UGT2B15: variants seen among roughly 807,000 people sequenced by gnomAD.
UGT2B15 encodes the protein UDP-glucuronosyltransferase 2B15.
In UGT2B15, 36 loss-of-function variants were observed where a neutral mutation model predicts 45.9. The observed-to-expected ratio is 0.78, with a 90% CI of 0.60 to 1.04. The LOEUF (loss-of-function observed/expected upper bound fraction) is 1.04, where lower values mean the gene tolerates loss of function less well. UGT2B15 is among the 50% of genes least tolerant of loss of function. UGT2B15 has a pLI of 0.00. For missense variants in UGT2B15, 617 were observed against 622.4 expected, an observed-to-expected ratio of 0.99 and a Z score of 0.09; for synonymous variants, 219 against 216.4, an observed-to-expected ratio of 1.01 and a Z score of -0.11.
In UGT2B15 at chr4:68,668,083, A is replaced by T. The variant is rs1393340432; in HGVS notation, c.830T>A (p.Phe277Tyr). The change falls in exon 2 of 6, where the codon TTT becomes TAT. Residue 277 changes from phenylalanine (F) to tyrosine (Y), a missense_variant. By Grantham distance (22) the Phe-to-Tyr change is conservative (BLOSUM62 3). This residue lies in a region of UGT2B15 where 351 missense variants were observed against 342.1 expected (regional missense o/e 1.03). Coordinates refer to ENST00000338206, the MANE Select transcript of UGT2B15 (RefSeq NM_001076.4). The stretch of plus-strand genomic sequence containing the variant: ...TGGTTTACAGTGAAGTCCTCCAACA[A>T]AATCAACATTTGGTAAGAATGGGCG... ...FPRPFLPNVD[F>Y]VGGLHCKPAK... 3 of 1,613,890 alleles carry T rather than the reference A, an allele frequency of 1.9e-6. No individual in the cohort carries two copies. The East Asian group carries it at 6.7e-5, about 36-fold the overall frequency.
intron 2 of UGT2B15, among the ~76,000 whole-genome samples, chr4:68,664,898 CT>C (rs977456838): frequency 1.3e-5 from 2 of 152,044 alleles, no homozygotes; most frequent in African/African-American, 4.8e-5. Context: ...CAGTGTATGG[CT>C]ATTAGAGATA....
chr4:68,664,929 A>T (rs2109833591), intron 2 of UGT2B15, among the ~76,000 whole-genome samples: 1 of 152,208 alleles, frequency 6.6e-6, no homozygotes. Flanking sequence ...GCATCCAGGA[A>T]CTCAGTGTAA....
At chr4:68,650,090 T>A (rs1409320775) in intron 5 of UGT2B15, among the ~76,000 whole-genome samples, 1 of 152,070 alleles carries the variant, frequency 6.6e-6, no homozygotes, top group Non-Finnish European at 1.5e-5. Flanking sequence ...CTCCTCAGCC[T>A]CCCAAAGTGC....
At chr4:68,658,409 A>G in intron 3 of UGT2B15, among the ~76,000 whole-genome samples, 1 of 152,252 alleles carries the variant, frequency 6.6e-6, no homozygotes, top group East Asian at 1.9e-4. Flanking sequence ...GTATGATAAT[A>G]TTAGAAATGT....
chr4:68,647,442 A>G, intron 5 of UGT2B15, 59 bp from the exon 6 acceptor site: 1 of 1,518,460 alleles, frequency 6.6e-7, no homozygotes, highest in South Asian at 1.3e-5. Flanking sequence ...TAAGCATATC[A>G]AGTCTATGGA....
At chr4:68,661,937 T>C (rs1345645915) in intron 3 of UGT2B15, among the ~76,000 whole-genome samples, 1 of 152,074 alleles carries the variant, frequency 6.6e-6, no homozygotes, top group Non-Finnish European at 1.5e-5. Context: ...ACAGCCTTGA[T>C]ATATGGTCAG....
chr4:68,669,724 T>G (rs757300732), intron 1 of UGT2B15, among the ~76,000 whole-genome samples, 171 bp downstream of exon 1: 2 of 152,186 alleles, frequency 1.3e-5, no homozygotes, highest in Non-Finnish European at 2.9e-5. Flanking sequence ...TCTAACTGAT[T>G]CTATAAGGTC....
At position 68,655,082 on chromosome 4, in the gene UGT2B15, T is replaced by C. The variant is rs1172541798; in HGVS notation, c.1093+13A>G. On this transcript the variant is annotated intron_variant, in intron 4 of 5. Coordinates refer to ENST00000338206, the MANE Select transcript of UGT2B15 (RefSeq NM_001076.4). ...TTACTAATATATTCACTGTTTGTTC[T>C]CCAGAATCTTACCAAGAAGGTCATT... 3 of 1,611,520 alleles carry C rather than the reference T, an allele frequency of 1.9e-6. No individual in the cohort carries two copies. In the East Asian group the frequency reaches 6.7e-5, roughly 36 times the overall value.
intron 2 of UGT2B15, among the ~76,000 whole-genome samples, chr4:68,665,990 T>C (rs992872229): frequency 2.0e-5 from 3 of 152,062 alleles, no homozygotes; most frequent in Non-Finnish European, 2.9e-5. Context: ...GGGTGGAGGT[T>C]TCAGTGAGCC....
chr4:68,655,018 GTTTGT>G (rs1489347818), intron 4 of UGT2B15, 72 bp downstream of exon 4: 5 of 1,482,706 alleles, frequency 3.4e-6, no homozygotes, highest in African/African-American at 1.4e-5. Context: ...TGCTAAATAT[GTTTGT>G]TTTATGTTGA....
Position 68,670,456 on chromosome 4 carries a change from C to A in UGT2B15, c.163G>T (p.Val55Leu), listed in dbSNP as rs1733278213. ...AGAGTAGAAGCCGAAGATGTCAACA[C>A]AGTCACCTCATGACCCCTCTGAACA... ...ELVQRGHEVT[V>L]LTSSASTLVN... Residue 55 changes from valine (V) to leucine (L), a missense_variant, in exon 1 of 6, where the codon GTG becomes TTG. This residue lies in a region of UGT2B15 where 351 missense variants were observed against 342.1 expected (regional missense o/e 1.03). Coordinates refer to ENST00000338206, the MANE Select transcript of UGT2B15 (RefSeq NM_001076.4). 6.2e-7 allele frequency: 1 copy of A among 1,613,938 alleles called. No individual in the cohort carries two copies. Among genetic ancestry groups the A allele is most frequent in the African/African-American group, 1.3e-5 (1 of 74,938 alleles).
Position 68,663,222 on chromosome 4 carries a change from T to C in UGT2B15, c.874-83A>G, listed in dbSNP as rs1009814858. ...ACAGGATTGTTACAAACATCTAAGA[T>C]GAGAAAGTCAGAAGCTATTGGAGTA... is the stretch of plus-strand genomic sequence containing the variant. On this transcript the variant is annotated intron_variant, in intron 2 of 5. Transcript: ENST00000338206. 2.9e-6 allele frequency: 4 copies of C among 1,370,966 alleles called. No individual in the cohort carries two copies. In the African/African-American group the frequency reaches 6.1e-5, roughly 21 times the overall value. 84.9% of individuals were successfully genotyped at this position (1,370,966 alleles called of 1,614,324 possible).
intron 5 of UGT2B15, among the ~76,000 whole-genome samples, chr4:68,650,957 T>C (rs2109819862): frequency 6.6e-6 from 1 of 151,626 alleles, no homozygotes; most frequent in South Asian, 2.1e-4. Context: ...TTTTAAGAAG[T>C]GTCTGTTTAT....
At chr4:68,655,303 G>A in intron 3 of UGT2B15, 121 bp from the exon 4 acceptor site, 1 of 1,263,334 alleles carries the variant, frequency 7.9e-7, no homozygotes, top group Non-Finnish European at 1.1e-6. Flanking sequence ...GAAATAAGAA[G>A]AAGTGATGTC....
In UGT2B15 at chr4:68,654,029, A is replaced by G. The variant is rs1447435137; in HGVS notation, c.1313+8T>C. 1.9e-6 allele frequency: 3 copies of G among 1,611,006 alleles called. No homozygotes were observed. In the African/African-American group the frequency reaches 4.0e-5, roughly 22 times the overall value. On this transcript the variant is annotated splice_region_variant and intron_variant, in intron 5 of 5. Coordinates refer to ENST00000338206, the MANE Select transcript of UGT2B15 (RefSeq NM_001076.4). Reference sequence around the variant, plus strand: ...AATACCACCTGGTCACAAAACTGTAATACTCACACAGGGTCATTAATGACT... The same window carrying G: ...AATACCACCTGGTCACAAAACTGTAGTACTCACACAGGGTCATTAATGACT...
chr4:68,654,351 C>A (rs946909375), intron 4 of UGT2B15, 95 bp from the exon 5 acceptor site: 227 of 1,269,466 alleles, frequency 1.8e-4, no homozygotes, highest in Non-Finnish European at 2.3e-4. Context: ...CAAAACTGTT[C>A]CCTAGGTAAC....
rs761675749 is a variant in UGT2B15 at position 68,647,268 on chromosome 4, G to A, written c.1429C>T (p.Leu477Phe). ...FVMRHKGAKHLRVAAHNLTWI... is the reference protein window; with the variant it reads ...FVMRHKGAKHFRVAAHNLTWI... ...GTGAGGTTGTGAGCTGCGACTCGAA[G>A]GTGCTTGGCTCCTTTGTGGCGCATG... Residue 477 changes from leucine (L) to phenylalanine (F), a missense_variant, in exon 6 of 6, where the codon CTT (leucine) becomes TTT (phenylalanine). Around this residue, in one of 3 missense-constraint regions of UGT2B15, gnomAD observed 265 missense variants for 245.1 expected, o/e 1.08. Transcript: ENST00000338206. The A allele has an allele frequency of 9.3e-6, 15 of 1,613,848 alleles. No individual in the cohort carries two copies. Among genetic ancestry groups the A allele is most frequent in the Non-Finnish European group, 1.2e-5 (14 of 1,179,930 alleles).
chr4:68,663,668 A>G (rs151270830), intron 2 of UGT2B15, among the ~76,000 whole-genome samples: 67 of 152,112 alleles, frequency 4.4e-4, no homozygotes, highest in African/African-American at 1.6e-3. Context: ...ATGATATTAT[A>G]TCTACATTTA....
chr4:68,647,660 A>G (rs1399720825), intron 5 of UGT2B15, among the ~76,000 whole-genome samples: 1 of 152,132 alleles, frequency 6.6e-6, no homozygotes, highest in Non-Finnish European at 1.5e-5. Flanking sequence ...AGCCATTCTA[A>G]GTGCTATAAG....
Sources: gnomAD v4.1 joint callset for allele counts (sites outside exome capture counted in the v4.1 genomes callset) on GRCh38, gnomAD v4.1.1 for gene constraint, gnomAD v4.1.1 regional missense constraint, MANE v1.5 for transcripts, NCBI Gene and HGNC (gene_info 2026-07-23, HGNC 2026-07-21) for gene names.